The following UBXN8 variants were observed in gnomAD, a reference collection of about 807,000 sequenced individuals.
UBXN8 encodes UBX domain-containing protein 8.
In UBXN8, 27 loss-of-function variants were observed where a neutral mutation model predicts 32.1. The observed-to-expected ratio is 0.84, with a 90% CI of 0.62 to 1.16. The LOEUF (loss-of-function observed/expected upper bound fraction) is 1.16, where lower values mean the gene tolerates loss of function less well. UBXN8 is among the 50% of genes most tolerant of loss of function. UBXN8 has a pLI of 0.00. For missense variants in UBXN8, 306 were observed against 311.4 expected (o/e 0.98, Z 0.13); for synonymous variants, 109 against 111.8 (o/e 0.98, Z 0.16).
intron 1 of UBXN8, among the ~76,000 whole-genome samples, chr8:30,750,082 A>G (rs748007909): frequency 2.6e-5 from 4 of 152,192 alleles, no homozygotes; most frequent in Admixed American, 6.6e-5. Flanking sequence ...TGGAAATGAC[A>G]ACCATCATGA....
In UBXN8 at chr8:30,756,806, CAG is replaced by C. The variant is rs1805674921; in HGVS notation, c.451_452del (p.Glu151SerfsTer9). The C allele has an allele frequency of 6.2e-7, 1 of 1,614,024 alleles. No homozygotes were observed. The highest frequency in any genetic ancestry group is 8.5e-7 in the Non-Finnish European group (1 of 1,179,896). ...GTCAGACATCTTTTGAAACATCAAACAGAGAAGCAGCAAAGAGCCAGAACTTG... is the reference window on the plus strand; with the variant it reads ...GTCAGACATCTTTTGAAACATCAAACAGAAGCAGCAAAGAGCCAGAACTTG... ...TSQTSFETSN[R>X]EAAKSQNLPK... On this transcript the variant is annotated frameshift_variant, in exon 5 of 8. Coordinates refer to ENST00000265616, the MANE Select transcript of UBXN8 (RefSeq NM_005671.4). LOFTEE classifies it high-confidence loss of function.
At chr8:30,738,344 A>C (rs1805111410) in intron 1 of UBXN8, among the ~76,000 whole-genome samples, 1 of 151,526 alleles carries the variant, frequency 6.6e-6, no homozygotes. Context: ...AGCAATCAAG[A>C]CTCTGTCTTT....
chr8:30,759,471 G>A (rs182423854), intron 5 of UBXN8, among the ~76,000 whole-genome samples: 276 of 150,510 alleles, frequency 1.8e-3, no homozygotes, highest in Middle Eastern at 0.015. Context: ...CTGACCTCAG[G>A]TGATCTGCCT....
At chr8:30,741,668 T>A (rs989048824), upstream of UBXN8, among the ~76,000 whole-genome samples, 1 of 152,040 alleles carries the variant, frequency 6.6e-6, no homozygotes, top group Non-Finnish European at 1.5e-5. Context: ...GCCAGGATGG[T>A]CACAAACTTG....
intron 5 of UBXN8, among the ~76,000 whole-genome samples, chr8:30,757,859 CAAA>C (rs76218678): frequency 1.6e-4 from 9 of 55,996 alleles, no homozygotes; most frequent in Non-Finnish European, 1.9e-4. Context: ...GACTCCGTCT[CAAA>C]AAAAAAAAAA....
chr8:30,753,433 T>G (rs1173084983), intron 3 of UBXN8, among the ~76,000 whole-genome samples: 3 of 152,020 alleles, frequency 2.0e-5, no homozygotes, highest in Non-Finnish European at 4.4e-5. Flanking sequence ...ATTTTTGTAT[T>G]TTTAGTAGAG....
chr8:30,762,194 A>C (rs553878612), intron 6 of UBXN8, among the ~76,000 whole-genome samples: 19 of 151,750 alleles, frequency 1.3e-4, no homozygotes, highest in Non-Finnish European at 2.2e-4. Flanking sequence ...GTCCCAAGTA[A>C]CTAGGACTGC....
At chr8:30,765,867 G>T (rs1375089633) in intron 7 of UBXN8, among the ~76,000 whole-genome samples, 3 of 151,950 alleles carry the variant, frequency 2.0e-5, no homozygotes, top group Admixed American at 2.0e-4. Flanking sequence ...AATTAGCTGG[G>T]CATGGTAGTG....
At chr8:30,749,115 T>G (rs944827986) in intron 1 of UBXN8, among the ~76,000 whole-genome samples, 5 of 151,898 alleles carry the variant, frequency 3.3e-5, no homozygotes, top group African/African-American at 7.3e-5. Context: ...AAATACTGGC[T>G]GGGTGCGGTG....
chr8:30,756,425 G>A (rs1317378703), intron 4 of UBXN8: 6 of 230,668 alleles, frequency 2.6e-5, no homozygotes, highest in East Asian at 9.7e-5. Flanking sequence ...GATTACAAGC[G>A]TGAGCCACCA....
At chr8:30,743,815 A>G (rs560387601), upstream of UBXN8, among the ~76,000 whole-genome samples, 8 of 152,350 alleles carry the variant, frequency 5.3e-5, no homozygotes, top group South Asian at 1.5e-3. Context: ...CGGGGGGCCC[A>G]GGCTGCCTCC....
chr8:30,742,093 G>A (rs1337555640), upstream of UBXN8, among the ~76,000 whole-genome samples: 1 of 152,020 alleles, frequency 6.6e-6, no homozygotes. Flanking sequence ...GATACAGACT[G>A]TAGAACTTTC....
chr8:30,748,337 A>G lies in UBXN8; in HGVS notation c.89-3059A>G, dbSNP rs1249824792. 2.6e-5 allele frequency among the ~76,000 whole-genome samples: 4 copies of G among 151,756 alleles called. No homozygotes were observed. The South Asian group carries it at 6.2e-4, about 24-fold the overall frequency. On this transcript the variant is annotated intron_variant, in intron 1 of 7. Transcript: ENST00000265616. ...ATATATATATATTATCTGATGGCCC[A>G]CATCTGTGGTCCCAGCTACTTGGGA...
chr8:30,746,846 G>T (rs1168158884), intron 1 of UBXN8, among the ~76,000 whole-genome samples: 3 of 139,716 alleles, frequency 2.1e-5, no homozygotes, highest in Non-Finnish European at 4.6e-5. Flanking sequence ...TTTAAGGCCA[G>T]TTCCTCACGT....
At chr8:30,751,339 C>T in intron 1 of UBXN8, 57 bp from the exon 2 acceptor site, 7 of 1,425,654 alleles carry the variant, frequency 4.9e-6, no homozygotes, top group Non-Finnish European at 6.7e-6. Flanking sequence ...CATAGTGAGA[C>T]CTCATCTCTT....
chr8:30,742,390 G>A (rs185548894), upstream of UBXN8, among the ~76,000 whole-genome samples: 59 of 152,078 alleles, frequency 3.9e-4, no homozygotes, highest in Non-Finnish European at 5.7e-4. Context: ...TCACTATATC[G>A]CCCAGGCTGG....
At chr8:30,731,719 C>T (rs1804962054), upstream of UBXN8, among the ~76,000 whole-genome samples, 1 of 152,150 alleles carries the variant, frequency 6.6e-6, no homozygotes, top group African/African-American at 2.4e-5. Flanking sequence ...AGCCCCCGTA[C>T]TTATAGAAGT....
intron 4 of UBXN8, among the ~76,000 whole-genome samples, chr8:30,755,599 A>T (rs200113551): frequency 7.1e-6 from 1 of 141,400 alleles, no homozygotes; most frequent in Non-Finnish European, 1.6e-5. Flanking sequence ...CAAAAAAAAA[A>T]TTAAAAATTA....
chr8:30,732,188 G>A (rs1804973768), upstream of UBXN8: 6 of 358,050 alleles, frequency 1.7e-5, no homozygotes, highest in African/African-American at 4.2e-5. Flanking sequence ...GCATTGGCTC[G>A]AGACCTCCAG....
Sources: allele counts gnomAD v4.1 joint callset (sites outside exome capture counted in the v4.1 genomes callset), GRCh38; gene constraint gnomAD v4.1.1; transcripts MANE v1.5; gene names NCBI Gene and HGNC (gene_info 2026-07-23, HGNC 2026-07-21).